The following ZBTB16 variants were observed in gnomAD, a reference collection of about 807,000 sequenced individuals.
ZBTB16 encodes zinc finger and BTB domain containing 16.
In ZBTB16, 8 loss-of-function variants were observed where a neutral mutation model predicts 56.8. The observed-to-expected ratio is 0.14, with a 90% CI of 0.08 to 0.25. The LOEUF (loss-of-function observed/expected upper bound fraction) is 0.25, where lower values mean the gene tolerates loss of function less well. Ranked by LOEUF, ZBTB16 falls within the 10% of genes least tolerant of loss-of-function variation. ZBTB16 has a pLI of 1.00. For missense variants in ZBTB16, 625 were observed against 903.0 expected, an observed-to-expected ratio of 0.69 and a Z score of 3.95; for synonymous variants, 363 against 368.5, an observed-to-expected ratio of 0.98 and a Z score of 0.17.
chr11:114,149,575 A>G (rs764702668), intron 2 of ZBTB16, among the ~76,000 whole-genome samples: 1 of 152,206 alleles, frequency 6.6e-6, no homozygotes, highest in African/African-American at 2.4e-5. Context: ...ACTTTATGGC[A>G]TACATAAAGA....
intron 4 of ZBTB16, among the ~76,000 whole-genome samples, chr11:114,197,365 C>T (rs939741041): frequency 2.6e-5 from 4 of 152,106 alleles, no homozygotes; most frequent in African/African-American, 7.2e-5. Context: ...TTGGAGGGAA[C>T]CCCACCCAAA....
In ZBTB16 at chr11:114,141,638, C is replaced by G. The variant is rs372662519; in HGVS notation, c.1269-14699C>G. ...ATGAGAAAACTGAGACTTGGAGGAT[C>G]CCAAAGTCTTAGAGCCTAGCAAGTT... On this transcript the variant is annotated intron_variant, in intron 2 of 6. Coordinates refer to ENST00000335953, the MANE Select transcript of ZBTB16 (RefSeq NM_006006.6). Among the ~76,000 whole-genome samples, 17 of 152,300 alleles carry G rather than the reference C, an allele frequency of 1.1e-4. No individual in the cohort carries two copies. The East Asian group carries it at 2.9e-3, about 26-fold the overall frequency.
Position 114,060,152 on chromosome 11 carries a change from G to GGGGGGCGTAGCGGTGTGC in ZBTB16, c.-91+277_-91+294dup, listed in dbSNP as rs1938764203. On this transcript the variant is annotated intron_variant, in intron 1 of 6. Transcript: ENST00000335953. This position sits in a 1 kb window ranked among gnomAD's most constrained non-coding sequence, Gnocchi z 6.0. ...TCAGGGCACGGTCGGGGTGAGAGGT[G>GGGGGGCGTAGCGGTGTGC]GGGGGCGTAGCGGTGTGCGGGGGCT... The GGGGGGCGTAGCGGTGTGC allele has an allele frequency of 5.1e-6, 1 of 195,320 alleles. No individual in the cohort carries two copies. Among genetic ancestry groups the GGGGGGCGTAGCGGTGTGC allele is most frequent in the South Asian group, 1.9e-4 (1 of 5,222 alleles). The allele number at this position is 195,320 out of a possible 1,614,324, so 12.1% of individuals were successfully genotyped here. A position where few individuals can be genotyped will look rare whatever the true frequency, so the allele number is the denominator to read the frequency against.
intron 2 of ZBTB16, among the ~76,000 whole-genome samples, chr11:114,136,876 C>A (rs1941810372): frequency 6.6e-6 from 1 of 152,164 alleles, no homozygotes; most frequent in South Asian, 2.1e-4. Flanking sequence ...GGGTTTATGA[C>A]TGAGCTCTCA....
intron 4 of ZBTB16, among the ~76,000 whole-genome samples, chr11:114,190,195 A>C (rs1227757330): frequency 6.6e-6 from 1 of 152,176 alleles, no homozygotes; most frequent in African/African-American, 2.4e-5. Context: ...ATGGAGCTGG[A>C]GTTTCTTCAT....
intron 2 of ZBTB16, among the ~76,000 whole-genome samples, chr11:114,083,264 T>C (rs1278494614): frequency 6.6e-6 from 1 of 152,228 alleles, no homozygotes; most frequent in Non-Finnish European, 1.5e-5. Flanking sequence ...TAGTCTTGCT[T>C]GGCACCTACC....
At chr11:114,171,304 A>C (rs1942960942) in intron 3 of ZBTB16, among the ~76,000 whole-genome samples, 1 of 152,224 alleles carries the variant, frequency 6.6e-6, no homozygotes, top group Non-Finnish European at 1.5e-5. Context: ...GATCTTTTCT[A>C]GCCCATAGGA....
intron 3 of ZBTB16, among the ~76,000 whole-genome samples, chr11:114,161,751 C>T (rs1942595966): frequency 1.3e-5 from 2 of 152,144 alleles, no homozygotes; most frequent in South Asian, 4.2e-4. Context: ...CACTGGAGAG[C>T]CACTGAAGGA....
At position 114,143,715 on chromosome 11, in the gene ZBTB16, C is replaced by T. The variant is rs760784260; in HGVS notation, c.1269-12622C>T. On this transcript the variant is annotated intron_variant, in intron 2 of 6. Coordinates refer to ENST00000335953, the MANE Select transcript of ZBTB16 (RefSeq NM_006006.6). This position sits in a 1 kb window ranked among gnomAD's most constrained non-coding sequence, Gnocchi z 6.4. ...TCTTCTCCTCCATGCCATGGACCGT[C>T]GCTGCATCATCTAAGCACAGGGCAC... Among the ~76,000 whole-genome samples the T allele has an allele frequency of 1.3e-5, 2 of 152,188 alleles. No individual in the cohort carries two copies. The highest frequency in any genetic ancestry group is 6.5e-5 in the Admixed American group (1 of 15,274).
chr11:114,253,516 C>T lies in ZBTB16; in HGVS notation c.*2961C>T, dbSNP rs373416790. 2.0e-5 allele frequency among the ~76,000 whole-genome samples: 3 copies of T among 152,168 alleles called. No individual in the cohort carries two copies. In the South Asian group the frequency reaches 6.2e-4, roughly 32 times the overall value. On this transcript the variant is annotated 3_prime_UTR_variant, in exon 7 of 7. Transcript: ENST00000335953. ...TGTGTGTTAAATCATGCAGTATTGT[C>T]GTAATCTGGTGTTGCAGCAATGGAT...
At chr11:114,212,317 A>G (rs146210085) in intron 4 of ZBTB16, among the ~76,000 whole-genome samples, 1,625 of 152,254 alleles carry the variant, frequency 0.011, 70 homozygotes, top group Admixed American at 0.083. Flanking sequence ...ACTTTGAAAG[A>G]AAGAAAGAAA....
intron 4 of ZBTB16, among the ~76,000 whole-genome samples, chr11:114,204,882 C>T (rs777137627): frequency 1.3e-5 from 2 of 152,176 alleles, no homozygotes; most frequent in African/African-American, 2.4e-5. Flanking sequence ...AGTGGTCACT[C>T]GCCCTGAGCT....
chr11:114,150,566 C>A (rs1474052989), intron 2 of ZBTB16, among the ~76,000 whole-genome samples: 1 of 152,222 alleles, frequency 6.6e-6, no homozygotes, highest in Non-Finnish European at 1.5e-5. Context: ...GGAGGAAATA[C>A]TGATAGCCTC....
At chr11:114,074,672 G>A (rs1450642619) in intron 2 of ZBTB16, among the ~76,000 whole-genome samples, 2 of 152,218 alleles carry the variant, frequency 1.3e-5, no homozygotes, top group African/African-American at 2.4e-5. Flanking sequence ...CTCCTCCTGC[G>A]TGGCCAGTGA....
chr11:114,186,177 C>CG (rs1565674346), intron 3 of ZBTB16, among the ~76,000 whole-genome samples: 1 of 152,070 alleles, frequency 6.6e-6, no homozygotes, highest in Non-Finnish European at 1.5e-5. Context: ...GTATGAATGA[C>CG]GAACAGGAGC....
At chr11:114,172,783 C>G (rs1389065297) in intron 3 of ZBTB16, among the ~76,000 whole-genome samples, 1 of 152,216 alleles carries the variant, frequency 6.6e-6, no homozygotes, top group Non-Finnish European at 1.5e-5. Context: ...TTTCAAGCAG[C>G]TATGGGCTTA....
chr11:114,142,273 T>C (rs569997469), intron 2 of ZBTB16, among the ~76,000 whole-genome samples: 11 of 152,280 alleles, frequency 7.2e-5, no homozygotes, highest in South Asian at 2.1e-4. Context: ...CTAAAAACTT[T>C]TTCTCCTTCC....
chr11:114,216,613 C>T (rs764304973), intron 4 of ZBTB16, among the ~76,000 whole-genome samples: 42 of 152,106 alleles, frequency 2.8e-4, no homozygotes, highest in African/African-American at 9.4e-4. Flanking sequence ...CTCATCACAC[C>T]GGAGGCAGCC....
chr11:114,206,530 C>T (rs980502404), intron 4 of ZBTB16, among the ~76,000 whole-genome samples: 1 of 152,206 alleles, frequency 6.6e-6, no homozygotes, highest in South Asian at 2.1e-4. Context: ...TCAGGGTCTG[C>T]ACCAGGGCTC....
Sources: allele counts gnomAD v4.1 joint callset (sites outside exome capture counted in the v4.1 genomes callset), GRCh38; gene constraint gnomAD v4.1.1; non-coding constraint Gnocchi (gnomAD v3.1); transcripts MANE v1.5; gene names NCBI Gene and HGNC (gene_info 2026-07-23, HGNC 2026-07-21).